SIL1: variants seen among roughly 807,000 people sequenced by gnomAD.
The protein encoded by SIL1 is nucleotide exchange factor SIL1.
A neutral mutation model predicts 49.1 loss-of-function variants in SIL1; 40 were observed. That is an observed-to-expected ratio of 0.81 (90% CI 0.63 to 1.06). The LOEUF (loss-of-function observed/expected upper bound fraction) is 1.06, where lower values mean the gene tolerates loss of function less well. SIL1 is among the 50% of genes least tolerant of loss of function. The pLI is 0.00. For missense variants in SIL1, 500 were observed against 572.6 expected (o/e 0.87, Z 1.29); for synonymous variants, 253 against 250.8 (o/e 1.01, Z -0.08).
At chr5:139,130,938 A>C (rs1750851080) in intron 1 of SIL1, among the ~76,000 whole-genome samples, 1 of 152,220 alleles carries the variant, frequency 6.6e-6, no homozygotes, top group African/African-American at 2.4e-5. Context: ...TTTAGATAGA[A>C]AGTAGAAAAG....
chr5:139,127,349 G>A (rs1750773171), intron 2 of SIL1, among the ~76,000 whole-genome samples: 1 of 152,200 alleles, frequency 6.6e-6, no homozygotes. Flanking sequence ...TTTTGGCCAA[G>A]TTACTTAATG....
intron 3 of SIL1, among the ~76,000 whole-genome samples, chr5:139,056,687 G>T (rs1769446909): frequency 6.6e-6 from 1 of 151,234 alleles, no homozygotes; most frequent in South Asian, 2.1e-4. Flanking sequence ...CCGTCCGGGA[G>T]GGAGGTGGGG....
chr5:139,008,690 T>A (rs1354590535), intron 7 of SIL1, among the ~76,000 whole-genome samples: 1 of 149,894 alleles, frequency 6.7e-6, no homozygotes, highest in Admixed American at 6.6e-5. Flanking sequence ...TCAAAGAACA[T>A]CTTTATTTCT....
intron 3 of SIL1, among the ~76,000 whole-genome samples, chr5:139,077,894 G>A (rs1044271261): frequency 5.9e-5 from 9 of 152,080 alleles, no homozygotes; most frequent in Non-Finnish European, 1.3e-4. Context: ...ATAGTGTTGC[G>A]GGGGAGTGGT....
intron 4 of SIL1, among the ~76,000 whole-genome samples, chr5:139,046,326 T>C (rs1330525328): frequency 7.6e-6 from 1 of 131,492 alleles, no homozygotes; most frequent in Non-Finnish European, 1.7e-5. Flanking sequence ...GACACCGTCT[T>C]ATGGGGAAAA....
At chr5:139,061,245 G>A (rs114209486) in intron 3 of SIL1, among the ~76,000 whole-genome samples, 114 of 152,332 alleles carry the variant, frequency 7.5e-4, no homozygotes, top group African/African-American at 2.6e-3. Flanking sequence ...CCACAGTGAG[G>A]TTGCTGTGGA....
At chr5:139,132,244 G>A (rs1189109121) in intron 1 of SIL1, among the ~76,000 whole-genome samples, 5 of 152,146 alleles carry the variant, frequency 3.3e-5, no homozygotes, top group Non-Finnish European at 7.4e-5. Flanking sequence ...AGAGGTCAGG[G>A]GCAGCTGATG....
chr5:139,008,090 C>A (rs1768163936), intron 7 of SIL1, among the ~76,000 whole-genome samples: 1 of 151,882 alleles, frequency 6.6e-6, no homozygotes, highest in Non-Finnish European at 1.5e-5. Context: ...CCATCTGGTC[C>A]TGGACTCTTT....
At chr5:139,027,054 G>A in intron 5 of SIL1, 62 bp from the exon 6 acceptor site, 2 of 1,528,372 alleles carry the variant, frequency 1.3e-6, no homozygotes, top group South Asian at 1.1e-5. Context: ...GATGTCTGTG[G>A]TCTACCATGG....
chr5:138,952,841 G>A (rs17207814), intron 7 of SIL1, among the ~76,000 whole-genome samples: 3,333 of 152,352 alleles, frequency 0.022, 43 homozygotes, highest in Non-Finnish European at 0.028. Context: ...GGACAAGGCC[G>A]GGATCCCTCA....
chr5:138,949,005 C>T (rs537258775), intron 9 of SIL1, among the ~76,000 whole-genome samples: 18 of 152,234 alleles, frequency 1.2e-4, no homozygotes, highest in Non-Finnish European at 2.4e-4. Flanking sequence ...ACTGCCTTTT[C>T]TTTATATTAT....
intron 1 of SIL1, among the ~76,000 whole-genome samples, chr5:139,163,617 G>A (rs1238235998): frequency 3.3e-5 from 5 of 152,012 alleles, no homozygotes; most frequent in African/African-American, 9.7e-5. Context: ...TGATCCGCCC[G>A]TCTCGGCCTC....
Position 138,969,919 on chromosome 5 carries a change from C to T in SIL1, c.768-18035G>A, listed in dbSNP as rs187232527. ...TAACACTGCCCTGATGTTTTAGGCA[C>T]AATAAATTTAGCACCAGCTCACACT... On this transcript the variant is annotated intron_variant, in intron 7 of 9. Coordinates refer to ENST00000394817, the MANE Select transcript of SIL1 (RefSeq NM_022464.5). Among the ~76,000 whole-genome samples the T allele has an allele frequency of 4.1e-4, 62 of 152,306 alleles. 2 individuals carry two copies. The highest frequency in any genetic ancestry group is 1.9e-4 in the East Asian group (1 of 5,178).
intron 3 of SIL1, among the ~76,000 whole-genome samples, chr5:139,070,116 C>T (rs1769798214): frequency 1.3e-5 from 2 of 152,118 alleles, no homozygotes; most frequent in South Asian, 4.1e-4. Flanking sequence ...AATATACATA[C>T]AACACAGCTG....
At chr5:139,111,386 C>T (rs1487191713) in intron 3 of SIL1, among the ~76,000 whole-genome samples, 4 of 152,214 alleles carry the variant, frequency 2.6e-5, no homozygotes, top group African/African-American at 9.7e-5. Context: ...TCAATGATCT[C>T]CTCTATGGGA....
intron 3 of SIL1, among the ~76,000 whole-genome samples, chr5:139,112,214 G>A (rs1479633556): frequency 6.6e-6 from 1 of 152,230 alleles, no homozygotes; most frequent in Non-Finnish European, 1.5e-5. Flanking sequence ...CCTCCCAGCA[G>A]CCTGCCTTGG....
intron 3 of SIL1, among the ~76,000 whole-genome samples, chr5:139,089,541 CAT>C (rs1162453218): frequency 2.6e-5 from 4 of 151,454 alleles, no homozygotes; most frequent in Admixed American, 2.6e-4. Context: ...TTAAAAAAGA[CAT>C]AAAGAGTCCA....
chr5:139,010,356 A>G (rs1451317392), intron 7 of SIL1, among the ~76,000 whole-genome samples: 16 of 148,038 alleles, frequency 1.1e-4, no homozygotes, highest in South Asian at 8.7e-4. Context: ...TTCTAGTTAT[A>G]CATTCTTCTA....
intron 3 of SIL1, among the ~76,000 whole-genome samples, chr5:139,109,170 T>G (rs1170352691): frequency 1.3e-5 from 2 of 152,222 alleles, no homozygotes; most frequent in Non-Finnish European, 2.9e-5. Flanking sequence ...TCTACTGTTC[T>G]ATACCTAACT....
Sources: gnomAD v4.1 joint callset for allele counts (sites outside exome capture counted in the v4.1 genomes callset) on GRCh38, gnomAD v4.1.1 for gene constraint, MANE v1.5 for transcripts, NCBI Gene and HGNC (gene_info 2026-07-23, HGNC 2026-07-21) for gene names.